Variants in CEP120 observed in about 807,000 individuals in gnomAD.
CEP120 encodes the protein centrosomal protein of 120 kDa.
In CEP120, 113 loss-of-function variants were observed where a neutral mutation model predicts 126.5. The observed-to-expected ratio is 0.89, with a 90% CI of 0.77 to 1.04. The LOEUF is 1.04. Among genes scored for constraint, CEP120 ranks in the 50% least tolerant of loss-of-function variants. The pLI is 0.00. For missense variants in CEP120, 1,230 were observed against 1,155.7 expected (o/e 1.06, Z -0.93); for synonymous variants, 400 against 394.3 (o/e 1.01, Z -0.17).
intron 11 of CEP120, among the ~76,000 whole-genome samples, 158 bp from the exon 12 acceptor site, chr5:123,383,240 C>G (rs915550128): frequency 1.3e-4 from 20 of 152,160 alleles, no homozygotes; most frequent in Admixed American, 1.3e-3. Context: ...GGCTTCAACA[C>G]CTTCCATATA....
chr5:123,388,458 A>T lies in CEP120; in HGVS notation c.1404T>A (p.Ile468=). Residue 468 remains isoleucine (I), a synonymous_variant, in exon 9 of 20, where the codon ATT becomes ATA. Coordinates refer to ENST00000306467, the MANE Select transcript of CEP120 (RefSeq NM_001375405.1). The stretch of plus-strand genomic sequence containing the variant: ...TTAATATACAGTTGATTGGAAAACC[A>T]ATCTCCAAGGCATGTATACTCCTTA... ...IDLRSIHALE[I]GFPINCILRY... 2 of 1,560,734 alleles carry T rather than the reference A, an allele frequency of 1.3e-6. No individual in the cohort carries two copies.
chr5:123,394,658 A>G (rs900411310), intron 5 of CEP120, among the ~76,000 whole-genome samples: 1 of 152,276 alleles, frequency 6.6e-6, no homozygotes, highest in African/African-American at 2.4e-5. Context: ...AAATAAAAGT[A>G]CTAACCACTT....
intron 3 of CEP120, 25 bp from the exon 4 acceptor site, chr5:123,412,565 C>A: frequency 6.5e-7 from 1 of 1,540,048 alleles, no homozygotes. Context: ...AATAACAAAA[C>A]ACCTAATAGT....
chr5:123,386,447 T>C, intron 10 of CEP120, 71 bp downstream of exon 10: 18 of 1,149,018 alleles, frequency 1.6e-5, no homozygotes, highest in Non-Finnish European at 2.0e-5. Context: ...AAGAATTCCT[T>C]TTTAATAAAA....
chr5:123,368,341 T>C (rs1008116225), intron 17 of CEP120, among the ~76,000 whole-genome samples: 4 of 151,976 alleles, frequency 2.6e-5, no homozygotes, highest in African/African-American at 7.2e-5. Flanking sequence ...GGAGAATCCA[T>C]GTGACATTAT....
At position 123,388,604 on chromosome 5, in the gene CEP120, T is replaced by C. The variant is rs756497720; in HGVS notation, c.1258A>G (p.Ser420Gly). The C allele has an allele frequency of 6.4e-7, 1 of 1,565,756 alleles. No individual in the cohort carries two copies. Among genetic ancestry groups the C allele is most frequent in the Non-Finnish European group, 8.6e-7 (1 of 1,161,298 alleles). ...GCCAGTGAAGCAGGTACAGAAGAACTGGCTGAAATGAACATAAAATAAAAC... is the reference window on the plus strand; with the variant it reads ...GCCAGTGAAGCAGGTACAGAAGAACCGGCTGAAATGAACATAAAATAAAAC... ...DKDTKPNPKA[S>G]SSVPASLAQL... Residue 420 changes from serine to glycine, a missense_variant and splice_region_variant, in exon 9 of 20, where the codon AGT becomes GGT. Coordinates refer to ENST00000306467, the MANE Select transcript of CEP120 (RefSeq NM_001375405.1).
At chr5:123,361,954 CT>C (rs1440070744) in intron 18 of CEP120, among the ~76,000 whole-genome samples, 1 of 151,710 alleles carries the variant, frequency 6.6e-6, no homozygotes, top group African/African-American at 2.4e-5. Context: ...AAAATTCAAC[CT>C]AGCTCTCTTG....
In CEP120 at chr5:123,346,121, C is replaced by A; in HGVS notation, c.*398G>T. ...GTCTCAACTTTTAAGAATTTACATTCAAATGGAATAGGACGCAGCGTTTTT... is the reference window on the plus strand; with the variant it reads ...GTCTCAACTTTTAAGAATTTACATTAAAATGGAATAGGACGCAGCGTTTTT... On this transcript the variant is annotated 3_prime_UTR_variant, in exon 20 of 20. Transcript: ENST00000306467. 6.4e-6 allele frequency: 1 copy of A among 157,338 alleles called. No individual in the cohort carries two copies. Among genetic ancestry groups the A allele is most frequent in the Non-Finnish European group, 1.4e-5 (1 of 71,176 alleles). 9.7% of individuals were successfully genotyped at this position (157,338 alleles called of 1,614,324 possible).
intron 18 of CEP120, among the ~76,000 whole-genome samples, chr5:123,360,674 A>AGAGGGTAGGAAATACAC (rs1299335470): frequency 6.6e-6 from 1 of 151,870 alleles, no homozygotes; most frequent in East Asian, 1.9e-4. Flanking sequence ...GGAAATACAA[A>AGAGGGTAGGAAATACAC]AGAAGAAGGT....
At chr5:123,400,949 C>T (rs1315736318) in intron 4 of CEP120, 1 of 1,553,172 alleles carries the variant, frequency 6.4e-7, no homozygotes, top group Non-Finnish European at 8.7e-7. Flanking sequence ...AGGACTCGGA[C>T]ACCAGCTTCC....
At chr5:123,356,753 ACT>A (rs960563520) in intron 18 of CEP120, among the ~76,000 whole-genome samples, 6 of 151,488 alleles carry the variant, frequency 4.0e-5, no homozygotes, top group African/African-American at 1.5e-4. Context: ...TAAACATTTC[ACT>A]CTCTCTCTTT....
At chr5:123,401,305 A>C in intron 4 of CEP120, 1 of 1,606,694 alleles carries the variant, frequency 6.2e-7, no homozygotes, top group African/African-American at 1.3e-5. Flanking sequence ...TAGCATCCTT[A>C]ATGGCCAGCT....
Position 123,388,581 on chromosome 5 carries a change from C to T in CEP120, c.1281G>A (p.Leu427=). 1 of 1,590,788 alleles carries T rather than the reference C, an allele frequency of 6.3e-7. No individual in the cohort carries two copies. The highest frequency in any genetic ancestry group is 2.3e-5 in the East Asian group (1 of 44,366). Residue 427 remains leucine (L), a synonymous_variant, in exon 9 of 20, where the codon CTG becomes CTA. Transcript: ENST00000306467. ...CATTGGATGTAGTCACTAGCTGGGCCAGTGAAGCAGGTACAGAAGAACTGG... is the reference window on the plus strand; with the variant it reads ...CATTGGATGTAGTCACTAGCTGGGCTAGTGAAGCAGGTACAGAAGAACTGG... ...PKASSSVPAS[L]AQLVTTSNAS...
At chr5:123,357,138 G>C (rs1769693674) in intron 18 of CEP120, among the ~76,000 whole-genome samples, 1 of 152,056 alleles carries the variant, frequency 6.6e-6, no homozygotes, top group Non-Finnish European at 1.5e-5. Flanking sequence ...TTGTTAAAAA[G>C]TCATCTGTCA....
At position 123,345,585 on chromosome 5, in the gene CEP120, T is replaced by C. The variant is rs12520233; in HGVS notation, c.*934A>G. On this transcript the variant is annotated 3_prime_UTR_variant, in exon 20 of 20. Coordinates refer to ENST00000306467, the MANE Select transcript of CEP120 (RefSeq NM_001375405.1). ...TCTGAAGAATATGATATAAAGGAAC[T>C]CTTAAGAGTTTTTATACAGACAGGG... 6.6e-6 allele frequency: 1 copy of C among 151,904 alleles called. No homozygotes were observed. The highest frequency in any genetic ancestry group is 2.4e-5 in the African/African-American group (1 of 41,364). 9.4% of individuals were successfully genotyped at this position (151,904 alleles called of 1,614,324 possible).
chr5:123,352,971 G>C (rs959819790), intron 18 of CEP120, among the ~76,000 whole-genome samples: 9 of 151,970 alleles, frequency 5.9e-5, no homozygotes, highest in African/African-American at 2.2e-4. Flanking sequence ...CACTGACTTT[G>C]TTTCCAGCAA....
At chr5:123,408,148 G>A (rs982983623) in intron 4 of CEP120, among the ~76,000 whole-genome samples, 2 of 152,124 alleles carry the variant, frequency 1.3e-5, no homozygotes, top group African/African-American at 4.8e-5. Flanking sequence ...AAGATTTATA[G>A]CATTAAATGC....
Position 123,399,148 on chromosome 5 carries a change from G to A in CEP120, c.600C>T (p.Thr200=). Residue 200 remains threonine (T), a synonymous_variant, in exon 5 of 20, where the codon ACC becomes ACT. Coordinates refer to ENST00000306467, the MANE Select transcript of CEP120 (RefSeq NM_001375405.1). ...FIMSVTIAFA[T]QLEQLIPCTM... is the part of the protein sequence containing the mutation. ...TGAAAAGTCTCACCTGTTCCAACTG[G>A]GTAGCAAATGCTATGGTCACTGACA... is the stretch of plus-strand genomic sequence containing the variant. 2.5e-6 allele frequency: 4 copies of A among 1,608,600 alleles called. No individual in the cohort carries two copies. Among genetic ancestry groups the A allele is most frequent in the Non-Finnish European group, 3.4e-6 (4 of 1,176,738 alleles).
intron 2 of CEP120, among the ~76,000 whole-genome samples, chr5:123,417,592 T>C (rs1489784218): frequency 2.6e-5 from 4 of 152,104 alleles, no homozygotes; most frequent in Admixed American, 6.5e-5. Context: ...TATATATCCT[T>C]GGCAAGCCAG....
Sources: allele counts gnomAD v4.1 joint callset (sites outside exome capture counted in the v4.1 genomes callset), GRCh38; gene constraint gnomAD v4.1.1; transcripts MANE v1.5; gene names NCBI Gene and HGNC (gene_info 2026-07-23, HGNC 2026-07-21).